UTRN: variants seen among roughly 807,000 people sequenced by gnomAD.
UTRN encodes the protein dystrophin-related protein 1.
A neutral mutation model predicts 463.9 loss-of-function variants in UTRN; 283 were observed. The observed-to-expected ratio is 0.61, with a 90% CI of 0.55 to 0.67. UTRN has a LOEUF of 0.67. Among genes scored for constraint, UTRN ranks in the 30% least tolerant of loss-of-function variants. The pLI is 0.00. For synonymous variants in UTRN, 1,442 were observed against 1,431.5 expected, an observed-to-expected ratio of 1.01 and a Z score of -0.17; for missense variants, 3,922 against 4,084.3, an observed-to-expected ratio of 0.96 and a Z score of 1.08.
rs1053536876 is a variant in UTRN, at chr6:144,836,325, G to A, written c.9849G>A (p.Gln3283=). Reference sequence around the variant, plus strand: ...GAAATCTACAGGTGGAGTATGAGCAGCTGAAGGACCAGCACCTCCGAAGGG... The same window carrying A: ...GAAATCTACAGGTGGAGTATGAGCAACTGAAGGACCAGCACCTCCGAAGGG... ...EQRNLQVEYE[Q]LKDQHLRRGL... Residue 3283 remains glutamine (Q), a synonymous_variant, in exon 71 of 75, where the codon CAG becomes CAA. Coordinates refer to ENST00000367545, the MANE Select transcript of UTRN (RefSeq NM_007124.3). 5.6e-6 allele frequency: 9 copies of A among 1,614,120 alleles called. No individual in the cohort carries two copies. The East Asian group carries it at 1.6e-4, about 28-fold the overall frequency.
chr6:144,592,635 C>G (rs1002380973), intron 51 of UTRN, among the ~76,000 whole-genome samples: 1 of 152,170 alleles, frequency 6.6e-6, no homozygotes, highest in Admixed American at 6.5e-5. Context: ...TCCTAAAGTG[C>G]TGGGATTACA....
At chr6:144,807,827 A>G (rs1186917807) in intron 65 of UTRN, among the ~76,000 whole-genome samples, 2 of 152,080 alleles carry the variant, frequency 1.3e-5, no homozygotes, top group Non-Finnish European at 1.5e-5. Context: ...GACTGGGATG[A>G]CTTTTATACT....
chr6:144,740,873 A>G (rs1015891296), intron 54 of UTRN, among the ~76,000 whole-genome samples: 2 of 152,244 alleles, frequency 1.3e-5, no homozygotes, highest in African/African-American at 4.8e-5. Context: ...ATTGTTTACC[A>G]TCTGTTATGT....
chr6:144,445,025 C>A (rs1159894233), intron 14 of UTRN, among the ~76,000 whole-genome samples: 1 of 152,148 alleles, frequency 6.6e-6, no homozygotes, highest in Non-Finnish European at 1.5e-5. Context: ...AAACTTTTCT[C>A]CCCAAATGCC....
At chr6:144,287,492 TA>T (rs1020322610) in intron 1 of UTRN, among the ~76,000 whole-genome samples, 64 of 152,334 alleles carry the variant, frequency 4.2e-4, no homozygotes, top group African/African-American at 1.4e-3. Context: ...GTTCCTATAG[TA>T]AATTAATGAA....
intron 25 of UTRN, among the ~76,000 whole-genome samples, chr6:144,476,006 A>G (rs538395356): frequency 6.6e-6 from 1 of 150,994 alleles, no homozygotes; most frequent in East Asian, 2.0e-4. Flanking sequence ...AGCCCAGGGG[A>G]TGGAGGTTGC....
At chr6:144,551,209 G>T (rs552044981) in intron 48 of UTRN, 127 bp downstream of exon 48, 3 of 587,948 alleles carry the variant, frequency 5.1e-6, no homozygotes, top group African/African-American at 1.9e-5. Flanking sequence ...AAGTAATAGT[G>T]TTTAATATTT....
intron 73 of UTRN, among the ~76,000 whole-genome samples, chr6:144,841,589 A>G (rs1781580346): frequency 6.6e-6 from 1 of 152,198 alleles, no homozygotes; most frequent in Admixed American, 6.5e-5. Context: ...AGTAAACTGT[A>G]TATATGTATA....
intron 43 of UTRN, among the ~76,000 whole-genome samples, chr6:144,535,578 A>G (rs1014851473): frequency 6.6e-6 from 1 of 152,174 alleles, no homozygotes; most frequent in Admixed American, 6.5e-5. Flanking sequence ...AACAGCTTAT[A>G]TTTTGACTAA....
At chr6:144,374,108 G>A (rs1241393759) in intron 2 of UTRN, among the ~76,000 whole-genome samples, 2 of 152,108 alleles carry the variant, frequency 1.3e-5, no homozygotes, top group East Asian at 1.9e-4. Context: ...CTCAACTCCC[G>A]TGATGGAGAG....
intron 51 of UTRN, among the ~76,000 whole-genome samples, chr6:144,589,549 A>T (rs957578897): frequency 6.6e-6 from 1 of 152,164 alleles, no homozygotes; most frequent in African/African-American, 2.4e-5. Flanking sequence ...TAGATAGAGA[A>T]TTTTTGGAAT....
At chr6:144,656,238 A>G (rs966908599) in intron 51 of UTRN, among the ~76,000 whole-genome samples, 3 of 152,158 alleles carry the variant, frequency 2.0e-5, no homozygotes, top group African/African-American at 2.4e-5. Context: ...GTCATCATCT[A>G]ATTTATTAAG....
intron 53 of UTRN, among the ~76,000 whole-genome samples, chr6:144,704,103 C>T (rs1009265057): frequency 1.3e-5 from 2 of 152,164 alleles, no homozygotes; most frequent in African/African-American, 4.8e-5. Flanking sequence ...ATATATTCAT[C>T]ATCCATTTAA....
intron 42 of UTRN, among the ~76,000 whole-genome samples, chr6:144,532,799 T>C (rs79989696): frequency 0.026 from 3,986 of 152,322 alleles, 178 homozygotes; most frequent in African/African-American, 0.09. Context: ...TATGCTTTAA[T>C]GTAAACAGCT....
intron 68 of UTRN, 114 bp from the exon 69 acceptor site, chr6:144,828,676 A>T: frequency 9.6e-7 from 1 of 1,044,320 alleles, no homozygotes; most frequent in Non-Finnish European, 1.5e-6. Context: ...GGAGATTTGG[A>T]TCTTTCTATG....
chr6:144,472,124 A>T (rs1170148869), intron 23 of UTRN, among the ~76,000 whole-genome samples: 1 of 152,200 alleles, frequency 6.6e-6, no homozygotes, highest in Admixed American at 6.5e-5. Flanking sequence ...TTAAGAGGAA[A>T]CATTAGTTTT....
Position 144,440,456 on chromosome 6 carries a change from A to G in UTRN, c.1497A>G (p.Leu499=), listed in dbSNP as rs1787037000. The change falls in exon 13 of 75, where the codon CTA becomes CTG. Residue 499 remains leucine, a synonymous_variant. Coordinates refer to ENST00000367545, the MANE Select transcript of UTRN (RefSeq NM_007124.3). ...GTGGTGAGAGTGCTACAGCTATCCT[A>G]GAAGACCAGTTACAGGTAAGAGTGC... ...ENSGESATAI[L]EDQLQKLGER... is the part of the protein sequence containing the mutation. 1.9e-6 allele frequency: 3 copies of G among 1,614,068 alleles called. No individual in the cohort carries two copies. Among genetic ancestry groups the G allele is most frequent in the African/African-American group, 1.3e-5 (1 of 74,936 alleles).
intron 51 of UTRN, among the ~76,000 whole-genome samples, chr6:144,644,656 T>C (rs1778107071): frequency 6.6e-6 from 1 of 152,200 alleles, no homozygotes; most frequent in Admixed American, 6.5e-5. Flanking sequence ...TAAAAAGAAA[T>C]TGTATCATTT....
chr6:144,786,188 C>A (rs1474203376), intron 61 of UTRN, among the ~76,000 whole-genome samples: 1 of 152,200 alleles, frequency 6.6e-6, no homozygotes, highest in East Asian at 1.9e-4. Flanking sequence ...TTATTTACAT[C>A]AGTGTCCTTT....
Sources: gnomAD v4.1 joint callset for allele counts (sites outside exome capture counted in the v4.1 genomes callset) on GRCh38, gnomAD v4.1.1 for gene constraint, MANE v1.5 for transcripts, NCBI Gene and HGNC (gene_info 2026-07-23, HGNC 2026-07-21) for gene names.